INO80: variants seen among roughly 807,000 people sequenced by gnomAD.
INO80 encodes chromatin-remodeling ATPase INO80.
In INO80, 20 loss-of-function variants were observed where a neutral mutation model predicts 203.4. The ratio of observed to expected loss-of-function variants is 0.10; its 90% CI spans 0.07 to 0.14. INO80 has a LOEUF of 0.14. INO80 is among the 10% of genes least tolerant of loss of function. The pLI is 1.00. For missense variants in INO80, 1,419 were observed against 1,914.4 expected (o/e 0.74, Z 4.83); for synonymous variants, 726 against 685.2 (o/e 1.06, Z -0.93).
intron 14 of INO80, among the ~76,000 whole-genome samples, chr15:41,067,614 A>C (rs1210060318): frequency 6.6e-6 from 1 of 152,182 alleles, no homozygotes; most frequent in African/African-American, 2.4e-5. Context: ...ATTTAGCCAC[A>C]AAATGGGACC....
At position 41,046,226 on chromosome 15, in the gene INO80, T is replaced by C. The variant is rs1166893456; in HGVS notation, c.2736-1151A>G. Among the ~76,000 whole-genome samples the C allele has an allele frequency of 5.8e-4, 11 of 18,848 alleles. 1 individual carries two copies. Among genetic ancestry groups the C allele is most frequent in the African/African-American group, 9.4e-4 (11 of 11,710 alleles). 12.4% of individuals were successfully genotyped at this position (18,848 alleles called of 152,430 possible). A position where few individuals can be genotyped will look rare whatever the true frequency, so the allele number is the denominator to read the frequency against. ...ACATACATATATATATATATATATA[T>C]ATATATATATATATATATATATATA... On this transcript the variant is annotated intron_variant, in intron 23 of 35. Transcript: ENST00000648947.
intron 4 of INO80, among the ~76,000 whole-genome samples, chr15:41,094,307 G>C (rs2045688030): frequency 6.6e-6 from 1 of 152,120 alleles, no homozygotes. Flanking sequence ...CTGTGCTCTA[G>C]CCATATTAGA....
chr15:41,044,753 T>A, intron 24 of INO80, 151 bp downstream of exon 24: 1 of 597,514 alleles, frequency 1.7e-6, no homozygotes, highest in East Asian at 3.0e-5. Context: ...AAAGTGTAAA[T>A]TAAGTTAGAA....
At chr15:41,099,257 A>C (rs1305022050) in intron 1 of INO80, among the ~76,000 whole-genome samples, 53 of 136,156 alleles carry the variant, frequency 3.9e-4, no homozygotes, top group African/African-American at 1.2e-3. Context: ...AAAAAAAAAA[A>C]AAAAAAAAAA....
intron 1 of INO80, among the ~76,000 whole-genome samples, chr15:41,098,858 A>G (rs956390722): frequency 2.0e-5 from 3 of 152,166 alleles, no homozygotes; most frequent in African/African-American, 2.4e-5. Context: ...TTTTACCAAC[A>G]AAGATGTATG....
At chr15:41,005,955 T>C (rs1206978668) in intron 27 of INO80, among the ~76,000 whole-genome samples, 1 of 51,804 alleles carries the variant, frequency 1.9e-5, no homozygotes, top group African/African-American at 5.9e-5. Flanking sequence ...CCTGTAGGTT[T>C]CATTAAAAAA....
chr15:41,022,545 T>C (rs2044310665), intron 25 of INO80, among the ~76,000 whole-genome samples: 1 of 152,126 alleles, frequency 6.6e-6, no homozygotes, highest in South Asian at 2.1e-4. Context: ...TTGAGACATA[T>C]GAACAGCTGA....
At chr15:41,064,600 T>C (rs944274750) in intron 14 of INO80, among the ~76,000 whole-genome samples, 5 of 152,144 alleles carry the variant, frequency 3.3e-5, no homozygotes, top group African/African-American at 1.2e-4. Flanking sequence ...ATCAAACCTT[T>C]GGATGGCTAA....
intron 28 of INO80, among the ~76,000 whole-genome samples, chr15:41,005,064 G>A (rs1260704099): frequency 1.3e-5 from 2 of 151,778 alleles, no homozygotes; most frequent in South Asian, 2.1e-4. Context: ...ATGTGGTGGC[G>A]CATGTCTGTA....
At chr15:41,107,449 C>A (rs1372166177) in intron 1 of INO80, among the ~76,000 whole-genome samples, 5 of 151,992 alleles carry the variant, frequency 3.3e-5, no homozygotes, top group Non-Finnish European at 7.4e-5. Flanking sequence ...TGCAGTGAGC[C>A]ATGATGGTGC....
At chr15:40,983,259 A>G (rs979974436) in intron 34 of INO80, 182 bp from the exon 35 acceptor site, 4 of 585,550 alleles carry the variant, frequency 6.8e-6, no homozygotes, top group East Asian at 2.8e-5. Context: ...AATACTAAGA[A>G]TTCTAAACAA....
At chr15:41,000,529 C>T (rs143027262) in intron 28 of INO80, among the ~76,000 whole-genome samples, 1 of 151,444 alleles carries the variant, frequency 6.6e-6, no homozygotes, top group Non-Finnish European at 1.5e-5. Context: ...AACCTTGTCT[C>T]TACAAAAATC....
chr15:41,015,883 G>A (rs1174981066), intron 27 of INO80, among the ~76,000 whole-genome samples: 1 of 149,862 alleles, frequency 6.7e-6, no homozygotes, highest in Non-Finnish European at 1.5e-5. Context: ...GAAGGCAGAG[G>A]TTGCAGAGCC....
chr15:41,022,534 C>T (rs2044310501), intron 25 of INO80, among the ~76,000 whole-genome samples: 1 of 152,100 alleles, frequency 6.6e-6, no homozygotes, highest in Non-Finnish European at 1.5e-5. Context: ...GAAATACTGC[C>T]TTGAGACATA....
intron 35 of INO80, among the ~76,000 whole-genome samples, chr15:40,982,469 A>G (rs905299943): frequency 6.6e-6 from 1 of 152,208 alleles, no homozygotes; most frequent in African/African-American, 2.4e-5. Flanking sequence ...ACGCCTATGC[A>G]TGCAGCAGGT....
At chr15:41,058,378 T>C (rs1436532503) in intron 16 of INO80, among the ~76,000 whole-genome samples, 1 of 152,072 alleles carries the variant, frequency 6.6e-6, no homozygotes, top group Non-Finnish European at 1.5e-5. Flanking sequence ...AAACCTCTCA[T>C]ATATTGGACG....
At chr15:41,011,362 T>C (rs764849097) in intron 27 of INO80, among the ~76,000 whole-genome samples, 1 of 152,228 alleles carries the variant, frequency 6.6e-6, no homozygotes, top group Non-Finnish European at 1.5e-5. Context: ...TATTTGTGTA[T>C]GTATATGTCT....
At chr15:41,040,503 T>A (rs559671196) in intron 24 of INO80, among the ~76,000 whole-genome samples, 2 of 152,100 alleles carry the variant, frequency 1.3e-5, no homozygotes, top group Non-Finnish European at 2.9e-5. Context: ...TGGAGAGAAA[T>A]AGAATTATCT....
intron 1 of INO80, among the ~76,000 whole-genome samples, chr15:41,112,337 AG>A (rs2045969365): frequency 6.6e-6 from 1 of 152,226 alleles, no homozygotes; most frequent in Non-Finnish European, 1.5e-5. Context: ...ATTACTACCA[AG>A]AAGTTTCAAG....
Sources: gnomAD v4.1 joint callset for allele counts (sites outside exome capture counted in the v4.1 genomes callset) on GRCh38, gnomAD v4.1.1 for gene constraint, MANE v1.5 for transcripts, NCBI Gene and HGNC (gene_info 2026-07-23, HGNC 2026-07-21) for gene names.